The following USP36 variants were observed in gnomAD, a reference collection of about 807,000 sequenced individuals.
USP36 encodes ubiquitin specific peptidase 36.
Under a neutral mutation model 111.5 loss-of-function variants are expected in USP36, and 59 were observed. The observed-to-expected ratio is 0.53, with a 90% CI of 0.43 to 0.66. The LOEUF (loss-of-function observed/expected upper bound fraction) is 0.66, where lower values mean the gene tolerates loss of function less well. Among genes scored for constraint, USP36 ranks in the 30% least tolerant of loss-of-function variants. The pLI is 0.00. For missense variants in USP36, 1,488 were observed against 1,468.0 expected (o/e 1.01, Z -0.22); for synonymous variants, 628 against 581.0 (o/e 1.08, Z -1.16).
chr17:78,812,071 C>T (rs768317431), intron 13 of USP36, among the ~76,000 whole-genome samples: 3 of 151,888 alleles, frequency 2.0e-5, no homozygotes, highest in Non-Finnish European at 4.4e-5. Context: ...CTGATAGTCC[C>T]GAATACTAGG....
At chr17:78,791,323 G>A (rs1307762887), downstream of USP36, among the ~76,000 whole-genome samples, 4 of 151,710 alleles carry the variant, frequency 2.6e-5, no homozygotes, top group Non-Finnish European at 5.9e-5. Flanking sequence ...TAGTAGAGAC[G>A]GGGTTTCTCC....
downstream of USP36, among the ~76,000 whole-genome samples, chr17:78,794,208 G>A (rs2093605071): frequency 2.0e-5 from 3 of 152,220 alleles, no homozygotes; most frequent in Admixed American, 2.0e-4. Context: ...GGCTGGTCAT[G>A]CTCACCTGCT....
Position 78,799,039 on chromosome 17 carries a change from G to A in USP36, c.3125-16C>T, listed in dbSNP as rs535460163. 70 of 1,612,212 alleles carry A rather than the reference G, an allele frequency of 4.3e-5. 1 individual carries two copies. The highest frequency in any genetic ancestry group is 3.0e-4 in the South Asian group (27 of 91,066). On this transcript the variant is annotated splice_polypyrimidine_tract_variant and intron_variant, in intron 18 of 20. Coordinates refer to ENST00000449938, the MANE Select transcript of USP36 (RefSeq NM_001385174.1). ...CAGGTCAGAACTACCAGGCAGACACGGGGGTCAGCACGAGTGCAGGTTCCC... is the reference window on the plus strand; with the variant it reads ...CAGGTCAGAACTACCAGGCAGACACAGGGGTCAGCACGAGTGCAGGTTCCC...
intron 13 of USP36, among the ~76,000 whole-genome samples, chr17:78,809,003 T>C (rs958551234): frequency 6.6e-6 from 1 of 152,214 alleles, no homozygotes; most frequent in African/African-American, 2.4e-5. Flanking sequence ...GCTTTTACTA[T>C]ACTCCAGCCA....
At chr17:78,800,316 G>A (rs1020820392) in intron 17 of USP36, among the ~76,000 whole-genome samples, 2 of 152,142 alleles carry the variant, frequency 1.3e-5, no homozygotes, top group Non-Finnish European at 2.9e-5. Flanking sequence ...AAGCTTGGCT[G>A]CTGCCATCAG....
At chr17:78,827,381 G>T in intron 5 of USP36, 34 bp from the exon 6 acceptor site, 10 of 1,582,082 alleles carry the variant, frequency 6.3e-6, no homozygotes, top group Non-Finnish European at 8.6e-6. Flanking sequence ...GGAAGAGCTC[G>T]TGTCTTCTCA....
intron 5 of USP36, among the ~76,000 whole-genome samples, chr17:78,828,148 A>C (rs2067746285): frequency 6.6e-6 from 1 of 152,188 alleles, no homozygotes; most frequent in Non-Finnish European, 1.5e-5. Context: ...CAAGAGTTTG[A>C]GGCTGCAGCG....
chr17:78,800,548 C>T (rs902408979), intron 17 of USP36, among the ~76,000 whole-genome samples: 4 of 152,260 alleles, frequency 2.6e-5, no homozygotes, highest in African/African-American at 9.6e-5. Context: ...CCTCCAATTC[C>T]TCAGTGAGCT....
In USP36 at chr17:78,827,162, G is replaced by A. The variant is rs930999212; in HGVS notation, c.689+83C>T. On this transcript the variant is annotated intron_variant, in intron 6 of 20. Transcript: ENST00000449938. ...AGCCTGGGTAGAAAGGTGCCGGGCT[G>A]GCTGTTGCCATAGGAATGTTCTGCT... 4.1e-6 allele frequency: 6 copies of A among 1,460,610 alleles called. No homozygotes were observed. The African/African-American group carries it at 8.4e-5, about 21-fold the overall frequency. 90.5% of individuals were successfully genotyped at this position (1,460,610 alleles called of 1,614,324 possible).
intron 13 of USP36, among the ~76,000 whole-genome samples, chr17:78,809,891 G>A (rs999448220): frequency 2.0e-5 from 3 of 151,808 alleles, no homozygotes; most frequent in African/African-American, 7.3e-5. Context: ...CTGTCACCCA[G>A]GCTGGAGTGC....
At chr17:78,836,555 A>G (rs2068692447) in intron 2 of USP36, among the ~76,000 whole-genome samples, 183 bp from the exon 3 acceptor site, 1 of 152,158 alleles carries the variant, frequency 6.6e-6, no homozygotes, top group Non-Finnish European at 1.5e-5. Context: ...ACTTGGACAT[A>G]TTAGTTCACA....
At chr17:78,826,162 A>C (rs934866203) in intron 6 of USP36, among the ~76,000 whole-genome samples, 2 of 152,212 alleles carry the variant, frequency 1.3e-5, no homozygotes, top group Non-Finnish European at 2.9e-5. Flanking sequence ...ACGCGTGACC[A>C]AACCCTCAAA....
chr17:78,822,088 C>CCAGT, intron 6 of USP36, 84 bp from the exon 7 acceptor site: 1 of 1,503,318 alleles, frequency 6.7e-7, no homozygotes, highest in Non-Finnish European at 9.2e-7. Context: ...CCCATGCCCA[C>CCAGT]CAGTCACAAG....
rs1355498501 is a variant in USP36 at position 78,807,498 on chromosome 17, G to A, written c.1546C>T (p.Pro516Ser). 2 of 1,613,912 alleles carry A rather than the reference G, an allele frequency of 1.2e-6. No individual in the cohort carries two copies. The highest frequency in any genetic ancestry group is 2.7e-5 in the African/African-American group (2 of 74,888). The change falls in exon 14 of 21, where the codon CCC (proline) becomes TCC (serine). Residue 516 changes from proline to serine, a missense_variant. Coordinates refer to ENST00000449938, the MANE Select transcript of USP36 (RefSeq NM_001385174.1). ...TGTGTGGGTGTCTGGGAGAGTTTGGGGGAAGGGGACCCCGAGGGCAGCTTT... is the reference window on the plus strand; with the variant it reads ...TGTGTGGGTGTCTGGGAGAGTTTGGAGGAAGGGGACCCCGAGGGCAGCTTT... Reference protein sequence around the residue: ...PPKLPSGSPSPKLSQTPTHMP... With the variant: ...PPKLPSGSPSSKLSQTPTHMP...
At chr17:78,837,203 C>T (rs1228037096) in intron 2 of USP36, among the ~76,000 whole-genome samples, 1 of 152,064 alleles carries the variant, frequency 6.6e-6, no homozygotes, top group Non-Finnish European at 1.5e-5. Flanking sequence ...CTCCATTACA[C>T]AGTGCTTGGA....
chr17:78,824,491 C>A (rs1180554773), intron 6 of USP36, among the ~76,000 whole-genome samples: 1 of 152,086 alleles, frequency 6.6e-6, no homozygotes, highest in African/African-American at 2.4e-5. Flanking sequence ...CTGCCGTGAG[C>A]GGAGATTGCA....
At position 78,827,247 on chromosome 17, in the gene USP36, G is replaced by A. The variant is rs1157491076; in HGVS notation, c.687C>T (p.Ala229=). 6.8e-6 allele frequency: 11 copies of A among 1,612,778 alleles called. No individual in the cohort carries two copies. The Admixed American group carries it at 1.8e-4, about 27-fold the overall frequency. Residue 229 remains alanine (A), a splice_region_variant and synonymous_variant, in exon 6 of 21, where the codon GCC becomes GCT. Coordinates refer to ENST00000449938, the MANE Select transcript of USP36 (RefSeq NM_001385174.1). ...AGGGTGGGTGGGGAAGCACGCACTT[G>A]GCACAGCCATTCAGGCAGGCTTTCT... ...AMQKACLNGC[A]KLDRQTQATT... is the part of the protein sequence containing the mutation.
intron 3 of USP36, among the ~76,000 whole-genome samples, chr17:78,788,541 T>C (rs1366701607): frequency 6.6e-6 from 1 of 151,466 alleles, no homozygotes. Context: ...GCAGTGGGGG[T>C]GCCCAGCTTC....
At chr17:78,808,208 A>G (rs1215028104) in intron 13 of USP36, among the ~76,000 whole-genome samples, 2 of 152,136 alleles carry the variant, frequency 1.3e-5, no homozygotes, top group African/African-American at 4.8e-5. Context: ...GTTTTATCTT[A>G]AAGCTATTAT....
Sources: gnomAD v4.1 joint callset for allele counts (sites outside exome capture counted in the v4.1 genomes callset) on GRCh38, gnomAD v4.1.1 for gene constraint, MANE v1.5 for transcripts, NCBI Gene and HGNC (gene_info 2026-07-23, HGNC 2026-07-21) for gene names.